SASH1: variants seen among roughly 807,000 people sequenced by gnomAD.
SASH1 encodes the protein SAM and SH3 domain-containing protein 1.
SASH1 carries 44 observed loss-of-function variants against 125.2 expected under a neutral mutation model. That is an observed-to-expected ratio of 0.35 (90% CI 0.28 to 0.45). The LOEUF is 0.45. Among genes scored for constraint, SASH1 ranks in the 20% least tolerant of loss-of-function variants. SASH1 has a pLI of 1.00. For missense variants in SASH1, 1,426 were observed against 1,614.5 expected, an observed-to-expected ratio of 0.88 and a Z score of 2.00; for synonymous variants, 639 against 649.1, an observed-to-expected ratio of 0.98 and a Z score of 0.24.
chr6:148,488,584 C>T (rs1427731719), intron 8 of SASH1, among the ~76,000 whole-genome samples: 1 of 152,226 alleles, frequency 6.6e-6, no homozygotes, highest in East Asian at 1.9e-4. Flanking sequence ...TATGTTTTCT[C>T]ACAGTAGCTG....
chr6:148,531,577 C>T lies in SASH1; in HGVS notation c.1480C>T (p.Pro494Ser). ...CTCCCCTCCGCCTTCACAGCCCGAC[C>T]CCGAACACTTGGACAAGCCCAAGCT... ...PGSPPPSQPD[P>S]EHLDKPKLKA... Residue 494 changes from proline (P) to serine (S), a missense_variant, in exon 13 of 20, where the codon CCC becomes TCC. This residue lies in a region of SASH1 where 225 missense variants were observed against 344.5 expected (regional missense o/e 0.65). Coordinates refer to ENST00000367467, the MANE Select transcript of SASH1 (RefSeq NM_015278.5). The T allele has an allele frequency of 1.3e-6, 2 of 1,574,966 alleles. No homozygotes were observed. The highest frequency in any genetic ancestry group is 1.7e-6 in the Non-Finnish European group (2 of 1,159,784).
chr6:148,451,172 A>G (rs1777084436), intron 4 of SASH1, among the ~76,000 whole-genome samples: 1 of 152,194 alleles, frequency 6.6e-6, no homozygotes, highest in South Asian at 2.1e-4. Context: ...GCACAGAGCA[A>G]GTGCTCATTT....
chr6:148,389,893 CAG>C (rs1384047343), intron 1 of SASH1, among the ~76,000 whole-genome samples: 11 of 152,262 alleles, frequency 7.2e-5, no homozygotes, highest in African/African-American at 2.6e-4. Context: ...GATTTGTGGG[CAG>C]TCGCTCAACT....
At chr6:148,250,783 G>A in the SASH1 span, among the ~76,000 whole-genome samples, 2 of 152,066 alleles carry the variant, frequency 1.3e-5, no homozygotes, top group Admixed American at 6.5e-5. Context: ...CTGGGTGGAC[G>A]AATTGTTAAA....
intron 1 of SASH1, among the ~76,000 whole-genome samples, chr6:148,336,980 C>T (rs1781175562): frequency 6.6e-6 from 1 of 152,154 alleles, no homozygotes; most frequent in Non-Finnish European, 1.5e-5. Context: ...ATAGGCTGTA[C>T]CTATACTCTA....
At chr6:148,385,078 C>A (rs1042915507) in intron 1 of SASH1, among the ~76,000 whole-genome samples, 13 of 152,148 alleles carry the variant, frequency 8.5e-5, no homozygotes, top group Admixed American at 5.2e-4. Context: ...GCATTTAAAT[C>A]ATCAGGACTG....
At chr6:148,402,478 T>C (rs1190705840) in intron 2 of SASH1, among the ~76,000 whole-genome samples, 1 of 151,804 alleles carries the variant, frequency 6.6e-6, no homozygotes, top group Non-Finnish European at 1.5e-5. Context: ...CCGGACTTTT[T>C]TTGTATTTTT....
the SASH1 span, among the ~76,000 whole-genome samples, chr6:148,249,523 G>T: frequency 2.0e-5 from 3 of 152,132 alleles, no homozygotes; most frequent in African/African-American, 7.2e-5. Flanking sequence ...ATAAGCTTTC[G>T]GTCTAGACAG....
At chr6:148,198,289 A>G in the SASH1 span, among the ~76,000 whole-genome samples, 1 of 152,320 alleles carries the variant, frequency 6.6e-6, no homozygotes, top group Non-Finnish European at 1.5e-5. Context: ...ACTGTGAGTC[A>G]ATTAAACTTC....
rs774471322 is a variant in SASH1 at position 148,533,093 on chromosome 6, G to C, written c.1734+127G>C. On this transcript the variant is annotated intron_variant, in intron 14 of 19. Coordinates refer to ENST00000367467, the MANE Select transcript of SASH1 (RefSeq NM_015278.5). The surrounding 1 kb of genome is among the most constrained non-coding windows in gnomAD (Gnocchi z 6.2). The stretch of plus-strand genomic sequence containing the variant: ...GACTGGACAGTATCTTGGCTACCTC[G>C]ATCACTGGTCTCCTCTGTAGTGAAA... 1 of 1,016,648 alleles carries C rather than the reference G, an allele frequency of 9.8e-7. No homozygotes were observed. The allele number at this position is 1,016,648 out of a possible 1,614,324, so 63.0% of individuals were successfully genotyped here. A position where few individuals can be genotyped will look rare whatever the true frequency, so the allele number is the denominator to read the frequency against.
In SASH1 at chr6:148,328,263, T is replaced by C. The variant is rs76094568; in HGVS notation, n.74+55886T>C. 6.3e-3 allele frequency among the ~76,000 whole-genome samples: 961 copies of C among 152,322 alleles called. 6 individuals are homozygous for C. Among genetic ancestry groups the C allele is most frequent in the African/African-American group, 0.022 (895 of 41,566 alleles). ...TTTCTTATGTAGGTTAAAGACCTTC[T>C]CAGTTCTCTTCAAGTTATATCCTAG... is the stretch of plus-strand genomic sequence containing the variant. On this transcript the variant is annotated intron_variant and non_coding_transcript_variant, in intron 1 of 3. Coordinates refer to the SASH1 transcript ENST00000367469.
intron 1 of SASH1, among the ~76,000 whole-genome samples, chr6:148,299,289 A>AT (rs916375035): frequency 1.3e-5 from 2 of 150,540 alleles, no homozygotes; most frequent in Non-Finnish European, 3.0e-5. Context: ...CATTACAAAG[A>AT]TTTTTTTTGT....
At chr6:148,243,459 T>TAAC in the SASH1 span, among the ~76,000 whole-genome samples, 17 of 140,110 alleles carry the variant, frequency 1.2e-4, no homozygotes, top group African/African-American at 4.1e-4. Context: ...TAAATAATAA[T>TAAC]AATAATAATA....
chr6:148,238,300 C>A, the SASH1 span, among the ~76,000 whole-genome samples: 1 of 151,918 alleles, frequency 6.6e-6, no homozygotes, highest in Non-Finnish European at 1.5e-5. Flanking sequence ...CTCGGCCCAC[C>A]ACAACCTCCG....
At chr6:148,232,739 A>G in the SASH1 span, among the ~76,000 whole-genome samples, 6 of 152,006 alleles carry the variant, frequency 3.9e-5, no homozygotes, top group Non-Finnish European at 2.9e-5. Context: ...TCATCCTACA[A>G]CCCCACTGTG....
chr6:148,487,088 T>TACACACACACACACACACAC (rs757099589), intron 7 of SASH1, among the ~76,000 whole-genome samples: 4 of 101,722 alleles, frequency 3.9e-5, no homozygotes, highest in African/African-American at 1.2e-4. Context: ...ATAACACATA[T>TACACACACACACACACACAC]ATATACACAC....
At chr6:148,333,535 A>C (rs1443773161) in intron 1 of SASH1, among the ~76,000 whole-genome samples, 1 of 152,172 alleles carries the variant, frequency 6.6e-6, no homozygotes, top group Non-Finnish European at 1.5e-5. Flanking sequence ...GTACTTTGAG[A>C]AGCACTGCTC....
intron 1 of SASH1, among the ~76,000 whole-genome samples, chr6:148,374,705 G>GC (rs1782822060): frequency 1.1e-5 from 1 of 93,088 alleles, no homozygotes; most frequent in Non-Finnish European, 2.1e-5. Context: ...CATTTTTTTT[G>GC]GGGGGGGGGG....
intron 17 of SASH1, among the ~76,000 whole-genome samples, chr6:148,542,885 C>CGT (rs1562500392): frequency 1.8e-4 from 27 of 151,800 alleles, no homozygotes; most frequent in African/African-American, 6.5e-4. Flanking sequence ...TGTGTGCGCG[C>CGT]GCACATGTAA....
Sources: gnomAD v4.1 joint callset for allele counts (sites outside exome capture counted in the v4.1 genomes callset) on GRCh38, gnomAD v4.1.1 for gene constraint, gnomAD v4.1.1 regional missense constraint, Gnocchi (gnomAD v3.1) non-coding constraint, MANE v1.5 for transcripts, NCBI Gene and HGNC (gene_info 2026-07-23, HGNC 2026-07-21) for gene names.